GPBP1: variants seen among roughly 807,000 people sequenced by gnomAD.
GPBP1 encodes GC-rich promoter binding protein 1.
A neutral mutation model predicts 56.5 loss-of-function variants in GPBP1; 13 were observed. The observed-to-expected ratio is 0.23, with a 90% CI of 0.15 to 0.37. The LOEUF (loss-of-function observed/expected upper bound fraction) is 0.37. Among genes scored for constraint, GPBP1 ranks in the 10% least tolerant of loss-of-function variants. The probability of loss-of-function intolerance (pLI) is 1.00; values close to 1 mark genes in which losing one functional copy is unlikely to be tolerated. For missense variants in GPBP1, 477 were observed against 572.3 expected, an observed-to-expected ratio of 0.83 and a Z score of 1.70; for synonymous variants, 204 against 188.9, an observed-to-expected ratio of 1.08 and a Z score of -0.66.
At chr5:57,213,657 T>C (rs146220047) in intron 2 of GPBP1, among the ~76,000 whole-genome samples, 1 of 152,170 alleles carries the variant, frequency 6.6e-6, no homozygotes, top group Non-Finnish European at 1.5e-5. Context: ...GATTTCAAAT[T>C]TTATTTTAGG....
At chr5:57,189,698 A>G (rs1487282275) in intron 2 of GPBP1, among the ~76,000 whole-genome samples, 1 of 152,178 alleles carries the variant, frequency 6.6e-6, no homozygotes, top group Non-Finnish European at 1.5e-5. Flanking sequence ...AAACCCTTTA[A>G]TGTCTTTCCA....
At chr5:57,204,810 A>G (rs908039774) in intron 2 of GPBP1, among the ~76,000 whole-genome samples, 4 of 152,172 alleles carry the variant, frequency 2.6e-5, no homozygotes, top group African/African-American at 9.7e-5. Context: ...CAAAGCTGCA[A>G]TTAATTTTTT....
At chr5:57,219,433 ACAAAACCACACACAC>A (rs1755855401) in intron 3 of GPBP1, among the ~76,000 whole-genome samples, 1 of 109,498 alleles carries the variant, frequency 9.1e-6, no homozygotes, top group African/African-American at 3.7e-5. Flanking sequence ...AAAAAAAACA[ACAAAACCACACACAC>A]AAAAAACAAA....
chr5:57,252,715 A>AT (rs112267138), intron 10 of GPBP1, among the ~76,000 whole-genome samples: 4,233 of 140,590 alleles, frequency 0.03, 55 homozygotes, highest in Middle Eastern at 0.08. Context: ...TTTATTGTAA[A>AT]TTTTTTTTTT....
chr5:57,244,144 T>A (rs1740972128), intron 6 of GPBP1, among the ~76,000 whole-genome samples: 1 of 152,254 alleles, frequency 6.6e-6, no homozygotes, highest in Non-Finnish European at 1.5e-5. Context: ...AAAGTTGCAT[T>A]TCTGCCTTCT....
chr5:57,183,551 G>A (rs2111588010), intron 2 of GPBP1, among the ~76,000 whole-genome samples: 1 of 152,192 alleles, frequency 6.6e-6, no homozygotes, highest in Non-Finnish European at 1.5e-5. Context: ...GCTGAGGTGG[G>A]AGGGTCACTT....
chr5:57,189,158 C>G (rs1754415456), intron 2 of GPBP1, among the ~76,000 whole-genome samples: 1 of 152,006 alleles, frequency 6.6e-6, no homozygotes, highest in Non-Finnish European at 1.5e-5. Flanking sequence ...CTCGCTCTGT[C>G]CCCCAGGCTG....
chr5:57,184,911 G>T (rs1054536875), intron 2 of GPBP1, among the ~76,000 whole-genome samples: 1 of 152,100 alleles, frequency 6.6e-6, no homozygotes, highest in Non-Finnish European at 1.5e-5. Flanking sequence ...TATTATAGTT[G>T]ATGTTTTTAT....
At chr5:57,193,270 C>T (rs971968523) in intron 2 of GPBP1, among the ~76,000 whole-genome samples, 4 of 152,040 alleles carry the variant, frequency 2.6e-5, no homozygotes, top group South Asian at 4.1e-4. Flanking sequence ...GAGCCGAGAT[C>T]GAGCCCTTGT....
In GPBP1 at chr5:57,176,182, T is replaced by C. The variant is rs1321307737; in HGVS notation, c.-276T>C. The C allele has an allele frequency of 2.5e-6, 1 of 394,272 alleles. No homozygotes were observed. Among genetic ancestry groups the C allele is most frequent in the African/African-American group, 2.1e-5 (1 of 48,570 alleles). 24.4% of individuals were successfully genotyped at this position (394,272 alleles called of 1,614,324 possible). On this transcript the variant is annotated 5_prime_UTR_variant, in exon 2 of 12. Transcript: ENST00000506184. ...TAATAAAGAAGACTTTGATCTTAAA[T>C]CTAAAGAACTTGGCTAATTCGGGAG...
At chr5:57,207,554 T>A (rs1291942052) in intron 2 of GPBP1, among the ~76,000 whole-genome samples, 1 of 152,178 alleles carries the variant, frequency 6.6e-6, no homozygotes, top group African/African-American at 2.4e-5. Context: ...GCCCTTTTAG[T>A]CTAGCCATCC....
In GPBP1 at chr5:57,248,051, T is replaced by C. The variant is rs949699447; in HGVS notation, c.804+836T>C. Among the ~76,000 whole-genome samples the C allele has an allele frequency of 3.9e-5, 6 of 152,272 alleles. No homozygotes were observed. The South Asian group carries it at 1.2e-3, about 32-fold the overall frequency. ...TCCACCACACCTGGACCAAGAGTAATTTTTAAGAAAACAATTAAGAAAATT... is the reference window on the plus strand; with the variant it reads ...TCCACCACACCTGGACCAAGAGTAACTTTTAAGAAAACAATTAAGAAAATT... On this transcript the variant is annotated intron_variant, in intron 8 of 11. Coordinates refer to ENST00000506184, the MANE Select transcript of GPBP1 (RefSeq NM_022913.4).
chr5:57,201,246 C>T (rs1396910539), intron 2 of GPBP1, among the ~76,000 whole-genome samples: 1 of 152,202 alleles, frequency 6.6e-6, no homozygotes, highest in African/African-American at 2.4e-5. Flanking sequence ...CTGCCTCAGC[C>T]TCTTGAGAAA....
intron 3 of GPBP1, among the ~76,000 whole-genome samples, chr5:57,215,583 T>C (rs1223072986): frequency 6.6e-6 from 1 of 152,234 alleles, no homozygotes; most frequent in African/African-American, 2.4e-5. Flanking sequence ...CTAGTAGGGC[T>C]CTCCTTACGT....
intron 2 of GPBP1, among the ~76,000 whole-genome samples, chr5:57,207,433 C>A (rs1755277890): frequency 6.6e-6 from 1 of 152,002 alleles, no homozygotes; most frequent in Non-Finnish European, 1.5e-5. Flanking sequence ...CTGCTCAAAT[C>A]TCTAGGGAGA....
At chr5:57,190,887 T>C (rs1220367574) in intron 2 of GPBP1, among the ~76,000 whole-genome samples, 1 of 151,688 alleles carries the variant, frequency 6.6e-6, no homozygotes, top group Non-Finnish European at 1.5e-5. Context: ...TTGTATTTTT[T>C]GGTAGAGACG....
At chr5:57,214,322 A>G (rs1268512633) in intron 3 of GPBP1, 129 bp downstream of exon 3, 1 of 783,448 alleles carries the variant, frequency 1.3e-6, no homozygotes, top group South Asian at 1.5e-5. Context: ...GCGGTGGCTC[A>G]CCCCTGTAAT....
At position 57,247,527 on chromosome 5, in the gene GPBP1, TA is replaced by T. The variant is rs569721544; in HGVS notation, c.804+321del. Among the ~76,000 whole-genome samples the T allele has an allele frequency of 3.2e-3, 478 of 150,974 alleles. 4 individuals carry two copies. The highest frequency in any genetic ancestry group is 0.011 in the African/African-American group (453 of 41,166). ...AATATGGTGAAACCCTGTCTCTACT[TA>T]AAAAAAAATAGCTGGGCATGGTGGT... On this transcript the variant is annotated intron_variant, in intron 8 of 11. Transcript: ENST00000506184.
intron 2 of GPBP1, among the ~76,000 whole-genome samples, chr5:57,199,121 C>T (rs541359213): frequency 6.6e-6 from 1 of 152,250 alleles, no homozygotes; most frequent in African/African-American, 2.4e-5. Context: ...TTTCTGTGTT[C>T]TTTCAGAATA....
Sources: allele counts gnomAD v4.1 joint callset (sites outside exome capture counted in the v4.1 genomes callset), GRCh38; gene constraint gnomAD v4.1.1; transcripts MANE v1.5; gene names NCBI Gene and HGNC (gene_info 2026-07-23, HGNC 2026-07-21).